Variants in AGBL4 observed in about 807,000 individuals in gnomAD.
AGBL4 encodes AGBL carboxypeptidase 4.
A neutral mutation model predicts 66.4 loss-of-function variants in AGBL4; 58 were observed. The ratio of observed to expected loss-of-function variants is 0.87; its 90% CI spans 0.71 to 1.09. The LOEUF (loss-of-function observed/expected upper bound fraction) is 1.09. Among genes scored for constraint, AGBL4 ranks in the 50% least tolerant of loss-of-function variants. The pLI, the probability that AGBL4 is intolerant of heterozygous loss-of-function variation, is 0.00. For missense variants in AGBL4, 579 were observed against 631.0 expected (o/e 0.92, Z 0.88); for synonymous variants, 234 against 222.9 (o/e 1.05, Z -0.44).
chr1:48,967,940 A>T (rs1190010388), intron 5 of AGBL4, among the ~76,000 whole-genome samples: 1 of 152,106 alleles, frequency 6.6e-6, no homozygotes, highest in African/African-American at 2.4e-5. Context: ...TGGCAAGTTA[A>T]CTGACTCGAC....
chr1:48,873,435 C>T (rs1038320060), intron 5 of AGBL4, among the ~76,000 whole-genome samples: 2 of 152,090 alleles, frequency 1.3e-5, no homozygotes, highest in African/African-American at 4.8e-5. Flanking sequence ...TGTGCTAGAT[C>T]GGGTCCTTCC....
At chr1:49,495,691 T>G (rs972052208) in intron 3 of AGBL4, among the ~76,000 whole-genome samples, 7 of 151,984 alleles carry the variant, frequency 4.6e-5, no homozygotes, top group African/African-American at 1.7e-4. Context: ...TTTAAATGCT[T>G]TTCATATAAA....
At chr1:48,918,057 C>A (rs2148888800) in intron 5 of AGBL4, among the ~76,000 whole-genome samples, 1 of 152,310 alleles carries the variant, frequency 6.6e-6, no homozygotes, top group South Asian at 2.1e-4. Flanking sequence ...GCTGGCCTTT[C>A]TCCAGCAGCC....
intron 9 of AGBL4, among the ~76,000 whole-genome samples, chr1:48,619,901 C>A (rs745520116): frequency 2.8e-4 from 42 of 152,304 alleles, no homozygotes; most frequent in Non-Finnish European, 3.1e-4. Flanking sequence ...TGTCTGGAAT[C>A]GCCCTTGGGG....
intron 12 of AGBL4, among the ~76,000 whole-genome samples, chr1:48,536,781 CCTGT>C (rs919051238): frequency 6.6e-6 from 1 of 152,250 alleles, no homozygotes; most frequent in Non-Finnish European, 1.5e-5. Context: ...GTTTCTTCTT[CCTGT>C]CTGATTTTGT....
chr1:49,116,099 A>AT (rs1411415533), intron 4 of AGBL4, among the ~76,000 whole-genome samples: 14 of 152,166 alleles, frequency 9.2e-5, no homozygotes, highest in Admixed American at 9.2e-4. Flanking sequence ...GATATCTATG[A>AT]TTTTTTAAAA....
intron 4 of AGBL4, among the ~76,000 whole-genome samples, chr1:49,202,046 T>C (rs1320930914): frequency 6.6e-6 from 1 of 152,108 alleles, no homozygotes; most frequent in Non-Finnish European, 1.5e-5. Context: ...CCTCAGGAGA[T>C]GCTATCCATC....
At chr1:49,282,638 C>A (rs946814185) in intron 3 of AGBL4, among the ~76,000 whole-genome samples, 2 of 152,308 alleles carry the variant, frequency 1.3e-5, no homozygotes, top group Admixed American at 1.3e-4. Flanking sequence ...GAGTGCCAGA[C>A]AGTGGGCGCA....
At chr1:48,886,053 A>T (rs1650298736) in intron 5 of AGBL4, among the ~76,000 whole-genome samples, 1 of 152,136 alleles carries the variant, frequency 6.6e-6, no homozygotes, top group Non-Finnish European at 1.5e-5. Flanking sequence ...TGCCACTTCC[A>T]TCTTGGGGAG....
chr1:49,052,218 T>C (rs894500808), intron 4 of AGBL4, among the ~76,000 whole-genome samples: 1 of 152,100 alleles, frequency 6.6e-6, no homozygotes, highest in Non-Finnish European at 1.5e-5. Context: ...AGCTGAGGAA[T>C]AGCTGAGACT....
At chr1:49,658,751 C>G (rs1029181926) in intron 3 of AGBL4, among the ~76,000 whole-genome samples, 1 of 151,968 alleles carries the variant, frequency 6.6e-6, no homozygotes, top group Non-Finnish European at 1.5e-5. Context: ...AGCAAACTAT[C>G]GCAAGGACAA....
At chr1:48,741,456 T>A (rs902332892) in intron 6 of AGBL4, among the ~76,000 whole-genome samples, 1 of 152,182 alleles carries the variant, frequency 6.6e-6, no homozygotes, top group East Asian at 1.9e-4. Flanking sequence ...AAAGCTGACG[T>A]TTCAAGCCTG....
At chr1:49,263,936 A>G (rs1480388638) in intron 3 of AGBL4, among the ~76,000 whole-genome samples, 1 of 152,198 alleles carries the variant, frequency 6.6e-6, no homozygotes, top group Non-Finnish European at 1.5e-5. Context: ...AGTACAAAAT[A>G]CTTTTGAGCA....
intron 2 of AGBL4, chr1:49,844,932 G>A (rs1646097266): frequency 3.7e-6 from 5 of 1,369,180 alleles, no homozygotes; most frequent in Non-Finnish European, 5.2e-6. Context: ...ATGGGTTTGG[G>A]GAAAACAGAA....
intron 6 of AGBL4, among the ~76,000 whole-genome samples, chr1:48,843,307 C>T (rs567031780): frequency 2.6e-5 from 4 of 152,156 alleles, no homozygotes; most frequent in Non-Finnish European, 5.9e-5. Context: ...CTGAAATTTT[C>T]ATAATGAGGT....
intron 9 of AGBL4, among the ~76,000 whole-genome samples, chr1:48,597,053 G>C (rs1311807606): frequency 1.3e-5 from 2 of 152,074 alleles, no homozygotes; most frequent in Non-Finnish European, 2.9e-5. Flanking sequence ...CTCCAGGTGA[G>C]AATGCTTATC....
chr1:49,509,840 A>G (rs1184276215), intron 3 of AGBL4, among the ~76,000 whole-genome samples: 2 of 151,968 alleles, frequency 1.3e-5, no homozygotes, highest in Non-Finnish European at 2.9e-5. Context: ...TGGGAAAAAT[A>G]AAGTCCATTA....
At chr1:49,785,893 A>AATAT (rs34005960) in intron 2 of AGBL4, among the ~76,000 whole-genome samples, 341 of 140,896 alleles carry the variant, frequency 2.4e-3, no homozygotes, top group Middle Eastern at 3.6e-3. Context: ...GGAAAAAAAA[A>AATAT]ATATATATAT....
chr1:48,653,265 C>G (rs1364703429), intron 8 of AGBL4, 72 bp downstream of exon 8: 2 of 1,176,898 alleles, frequency 1.7e-6, no homozygotes, highest in African/African-American at 3.1e-5. Flanking sequence ...AAAATATATC[C>G]CGTATTTTTT....
Sources: allele counts gnomAD v4.1 joint callset (sites outside exome capture counted in the v4.1 genomes callset), GRCh38; gene constraint gnomAD v4.1.1; transcripts MANE v1.5; gene names NCBI Gene and HGNC (gene_info 2026-07-23, HGNC 2026-07-21).